Variants in NCOA1 observed in about 807,000 individuals in gnomAD.
NCOA1 encodes the protein nuclear receptor coactivator 1.
A neutral mutation model predicts 150.9 loss-of-function variants in NCOA1; 35 were observed. That is an observed-to-expected ratio of 0.23 (90% confidence interval 0.18 to 0.31). The LOEUF (loss-of-function observed/expected upper bound fraction) is 0.31. Among genes scored for constraint, NCOA1 ranks in the 10% least tolerant of loss-of-function variants. The probability of loss-of-function intolerance (pLI) is 1.00; values close to 1 mark genes in which losing one functional copy is unlikely to be tolerated. For synonymous variants in NCOA1, 590 were observed against 630.0 expected (o/e 0.94, Z 0.95); for missense variants, 1,491 against 1,749.3 (o/e 0.85, Z 2.63).
chr2:24,673,753 G>A (rs1671783621), intron 7 of NCOA1, among the ~76,000 whole-genome samples: 1 of 152,174 alleles, frequency 6.6e-6, no homozygotes, highest in South Asian at 2.1e-4. Flanking sequence ...GCCTAGTTGG[G>A]AAAATAAAAT....
At chr2:24,543,542 A>G (rs10779942) in intron 1 of NCOA1, among the ~76,000 whole-genome samples, 78,387 of 151,682 alleles carry the variant, frequency 0.52, 21,901 homozygotes, top group Admixed American at 0.67. Flanking sequence ...GATACAAAAT[A>G]AACAGATACT....
intron 14 of NCOA1, among the ~76,000 whole-genome samples, chr2:24,724,527 T>G (rs55704920): frequency 6.6e-6 from 1 of 152,264 alleles, no homozygotes; most frequent in African/African-American, 2.4e-5. Context: ...GACTTAAAAT[T>G]TTATTAGTAT....
In NCOA1 at chr2:24,752,088, T is replaced by C; in HGVS notation, c.3813T>C (p.Thr1271=). The stretch of plus-strand genomic sequence containing the variant: ...CTCAGAGTTCTCTTCTCCAGCAAAC[T>C]CCACCTGCCTCCGGGTATCAGTCAC... ...PPPQSSLLQQ[T]PPASGYQSPD... The change falls in exon 20 of 23, where the codon ACT becomes ACC. Residue 1271 remains threonine (T), a synonymous_variant. Transcript: ENST00000348332. The C allele has an allele frequency of 6.2e-7, 1 of 1,614,080 alleles. No individual in the cohort carries two copies. The highest frequency in any genetic ancestry group is 1.3e-5 in the African/African-American group (1 of 75,002).
intron 1 of NCOA1, among the ~76,000 whole-genome samples, chr2:24,545,162 A>G (rs554717564): frequency 2.8e-4 from 42 of 152,166 alleles, no homozygotes; most frequent in Admixed American, 1.4e-3. Flanking sequence ...TTCTAATACC[A>G]CTCTCCAATA....
chr2:24,571,698 A>G (rs964385101), intron 2 of NCOA1, among the ~76,000 whole-genome samples: 1 of 152,264 alleles, frequency 6.6e-6, no homozygotes, highest in East Asian at 1.9e-4. Context: ...ACCAGTTTTT[A>G]TGTATAATTT....
At chr2:24,515,621 G>T (rs544692938) in intron 1 of NCOA1, among the ~76,000 whole-genome samples, 2 of 152,220 alleles carry the variant, frequency 1.3e-5, no homozygotes, top group South Asian at 2.1e-4. Flanking sequence ...TTGGAGGAAG[G>T]CTGTCTTGTT....
intron 1 of NCOA1, among the ~76,000 whole-genome samples, chr2:24,498,522 A>T (rs1558743130): frequency 1.3e-5 from 2 of 152,074 alleles, no homozygotes; most frequent in African/African-American, 2.4e-5. Context: ...GGCAAGTTTT[A>T]TGGAGGACTT....
chr2:24,758,947 C>T (rs953832011), intron 21 of NCOA1, among the ~76,000 whole-genome samples: 2 of 152,058 alleles, frequency 1.3e-5, no homozygotes, highest in East Asian at 1.9e-4. Context: ...GGTAATTGCG[C>T]CACTGCACTC....
At chr2:24,663,292 G>A (rs918973930) in intron 5 of NCOA1, among the ~76,000 whole-genome samples, 19 of 152,090 alleles carry the variant, frequency 1.2e-4, no homozygotes, top group Admixed American at 4.6e-4. Flanking sequence ...CAGGAAGCCA[G>A]CCTCTCCCTA....
intron 2 of NCOA1, among the ~76,000 whole-genome samples, chr2:24,566,349 G>A (rs1236237985): frequency 2.0e-5 from 3 of 152,050 alleles, no homozygotes; most frequent in African/African-American, 2.4e-5. Context: ...GCAGAGAGGA[G>A]ACCCTGGAGT....
At chr2:24,720,514 C>T (rs1480421028) in intron 14 of NCOA1, among the ~76,000 whole-genome samples, 1 of 152,068 alleles carries the variant, frequency 6.6e-6, no homozygotes. Flanking sequence ...TGTTTCACCT[C>T]GTGCTAATAT....
At chr2:24,743,619 A>G (rs1297415038) in intron 19 of NCOA1, among the ~76,000 whole-genome samples, 1 of 152,214 alleles carries the variant, frequency 6.6e-6, no homozygotes, top group Non-Finnish European at 1.5e-5. Context: ...TGTGTCTTAC[A>G]ATTTCTGTAT....
rs1665242588 is a variant in NCOA1 at position 24,769,966 on chromosome 2, A to T, written c.*1575A>T. 1 of 226,860 alleles carries T rather than the reference A, an allele frequency of 4.4e-6. No homozygotes were observed. Among genetic ancestry groups the T allele is most frequent in the Non-Finnish European group, 8.8e-6 (1 of 113,800 alleles). 14.1% of individuals were successfully genotyped at this position (226,860 alleles called of 1,614,324 possible). On this transcript the variant is annotated 3_prime_UTR_variant, in exon 23 of 23. Coordinates refer to ENST00000348332, the MANE Select transcript of NCOA1 (RefSeq NM_003743.5). The stretch of plus-strand genomic sequence containing the variant: ...AACAGTGGAAGAGGAGCATGGACTC[A>T]GACTTCAAGGAAGAAGCCATTTCCC...
At chr2:24,526,472 G>A (rs904844139) in intron 1 of NCOA1, among the ~76,000 whole-genome samples, 2 of 151,628 alleles carry the variant, frequency 1.3e-5, no homozygotes, top group Admixed American at 6.6e-5. Context: ...GGGTTCCTCC[G>A]TTTATTAGTA....
rs370926036 is a variant in NCOA1, at chr2:24,705,192, A to G, written c.1056A>G (p.Pro352=). The change falls in exon 12 of 23, where the codon CCA becomes CCG. Residue 352 remains proline (P), a synonymous_variant. Transcript: ENST00000348332. ...TKCKLCYPQS[P]DMQPFIMGIH... is the part of the protein sequence containing the mutation. ...GTAAACTTTGCTACCCTCAAAGTCC[A>G]GACATGCAACCTTTCATCATGGGAA... The G allele has an allele frequency of 5.0e-6, 8 of 1,613,954 alleles. No homozygotes were observed. The highest frequency in any genetic ancestry group is 1.3e-5 in the African/African-American group (1 of 74,950).
chr2:24,671,920 G>A (rs1049082852), intron 6 of NCOA1, among the ~76,000 whole-genome samples: 1 of 152,062 alleles, frequency 6.6e-6, no homozygotes, highest in Non-Finnish European at 1.5e-5. Context: ...ACAATGTAAA[G>A]GCTATGTAAA....
intron 2 of NCOA1, among the ~76,000 whole-genome samples, chr2:24,565,798 G>A (rs1017492984): frequency 1.3e-5 from 2 of 152,206 alleles, no homozygotes; most frequent in Admixed American, 1.3e-4. Flanking sequence ...CTGTGGCGGG[G>A]CAGGCAGCTC....
intron 2 of NCOA1, among the ~76,000 whole-genome samples, chr2:24,575,855 G>C (rs1043302855): frequency 6.6e-6 from 1 of 152,170 alleles, no homozygotes; most frequent in East Asian, 1.9e-4. Flanking sequence ...TTACAGGTGT[G>C]AGCCACCGCT....
At chr2:24,599,508 C>T (rs1238706528) in intron 3 of NCOA1, among the ~76,000 whole-genome samples, 1 of 151,994 alleles carries the variant, frequency 6.6e-6, no homozygotes, top group Admixed American at 6.6e-5. Context: ...GTATTTTCTG[C>T]GAAGGATTTA....
Sources: allele counts gnomAD v4.1 joint callset (sites outside exome capture counted in the v4.1 genomes callset), GRCh38; gene constraint gnomAD v4.1.1; transcripts MANE v1.5; gene names NCBI Gene and HGNC (gene_info 2026-07-23, HGNC 2026-07-21).